GLIS3: variants seen among roughly 807,000 people sequenced by gnomAD.
GLIS3 encodes GLIS family zinc finger 3.
GLIS3 carries 53 observed loss-of-function variants against 78.6 expected under a neutral mutation model. The observed-to-expected ratio is 0.67, with a 90% confidence interval of 0.54 to 0.85. The LOEUF is 0.85. Ranked by LOEUF, GLIS3 falls within the 40% of genes least tolerant of loss-of-function variation. The pLI, the probability that GLIS3 is intolerant of heterozygous loss-of-function variation, is 0.00. For missense variants in GLIS3, 1,703 were observed against 1,231.1 expected (o/e 1.38, Z -5.74); for synonymous variants, 684 against 509.9 (o/e 1.34, Z -4.60).
rs555519391 is a variant in GLIS3, at chr9:4,278,607, G to C, written c.388+7431C>G. Reference sequence around the variant, plus strand: ...GAAGGGAGAGAAACTCCTCTCTCTAGAAGAATACCAGCTAATAAACATAGC... The same window carrying C: ...GAAGGGAGAGAAACTCCTCTCTCTACAAGAATACCAGCTAATAAACATAGC... On this transcript the variant is annotated intron_variant, in intron 2 of 10. Coordinates refer to ENST00000381971, the MANE Select transcript of GLIS3 (RefSeq NM_001042413.2). Among the ~76,000 whole-genome samples the C allele has an allele frequency of 2.6e-5, 4 of 152,290 alleles. No homozygotes were observed. In the South Asian group the frequency reaches 6.2e-4, roughly 24 times the overall value.
At chr9:4,180,712 T>C (rs1817242019) in intron 2 of GLIS3, among the ~76,000 whole-genome samples, 1 of 152,216 alleles carries the variant, frequency 6.6e-6, no homozygotes, top group African/African-American at 2.4e-5. Context: ...TTCTTGTGCA[T>C]TGATTTTATT....
intron 1 of GLIS3, among the ~76,000 whole-genome samples, chr9:4,293,088 T>A (rs1816164511): frequency 6.6e-6 from 1 of 152,130 alleles, no homozygotes; most frequent in African/African-American, 2.4e-5. Context: ...AAGCCCATCC[T>A]CACACAAGAG....
At chr9:4,249,906 T>C (rs937290910) in intron 2 of GLIS3, among the ~76,000 whole-genome samples, 1 of 152,240 alleles carries the variant, frequency 6.6e-6, no homozygotes, top group South Asian at 2.1e-4. Flanking sequence ...GTTCTGTTTA[T>C]GTGATGGATT....
chr9:3,838,360 C>T (rs1818490989), intron 9 of GLIS3, among the ~76,000 whole-genome samples: 1 of 152,172 alleles, frequency 6.6e-6, no homozygotes, highest in Non-Finnish European at 1.5e-5. Context: ...CAGTCCTCAG[C>T]TCTCTGTGGG....
At chr9:4,254,029 C>G (rs373289015) in intron 2 of GLIS3, among the ~76,000 whole-genome samples, 1 of 152,148 alleles carries the variant, frequency 6.6e-6, no homozygotes, top group South Asian at 2.1e-4. Context: ...AGCTGCAGAC[C>G]TGAGTTGTTC....
chr9:4,434,916 C>T, the GLIS3 span, among the ~76,000 whole-genome samples: 4 of 152,144 alleles, frequency 2.6e-5, no homozygotes, highest in Admixed American at 6.6e-5. Context: ...GTGATCCGGG[C>T]CACCAATAAA....
intron 2 of GLIS3, among the ~76,000 whole-genome samples, chr9:4,172,673 A>G (rs180765931): frequency 6.6e-6 from 1 of 152,306 alleles, no homozygotes; most frequent in African/African-American, 2.4e-5. Context: ...CATAGTACAA[A>G]AGGGCTTTGC....
At chr9:3,934,634 C>T (rs936448116) in intron 5 of GLIS3, among the ~76,000 whole-genome samples, 1 of 152,206 alleles carries the variant, frequency 6.6e-6, no homozygotes, top group African/African-American at 2.4e-5. Flanking sequence ...GTCTCGAACT[C>T]CTGATCTCAG....
rs1156755159 is a variant in GLIS3 at position 4,117,922 on chromosome 9, C to T, written c.1556G>A (p.Arg519Gln). The T allele has an allele frequency of 1.2e-6, 2 of 1,614,126 alleles. No individual in the cohort carries two copies. The highest frequency in any genetic ancestry group is 2.2e-5 in the South Asian group (2 of 91,080). ...GTCGATGTGGACCTTCTCGATGTGC[C>T]GCACGAGCTCCTCCTGCTGGTCGTA... ...ALYDQQEELV[R>Q]HIEKVHIDQR... Residue 519 changes from arginine to glutamine, a missense_variant, in exon 4 of 11, where the codon CGG (arginine) becomes CAG (glutamine). Transcript: ENST00000381971.
At chr9:4,008,581 A>C (rs1038669418) in intron 4 of GLIS3, among the ~76,000 whole-genome samples, 9 of 152,104 alleles carry the variant, frequency 5.9e-5, no homozygotes, top group African/African-American at 2.2e-4. Flanking sequence ...GAGGGGCAAA[A>C]GTTGATTTCT....
At chr9:4,172,084 G>C (rs1816421896) in intron 2 of GLIS3, among the ~76,000 whole-genome samples, 1 of 151,858 alleles carries the variant, frequency 6.6e-6, no homozygotes, top group African/African-American at 2.4e-5. Context: ...TATATTTAAG[G>C]CTATATGAGA....
chr9:4,466,445 C>T, the GLIS3 span, among the ~76,000 whole-genome samples: 1 of 152,096 alleles, frequency 6.6e-6, no homozygotes, highest in Non-Finnish European at 1.5e-5. Flanking sequence ...TTTTATGAGG[C>T]CAGTATTACC....
At chr9:4,084,262 C>CACA (rs559495616) in intron 4 of GLIS3, among the ~76,000 whole-genome samples, 1 of 132,406 alleles carries the variant, frequency 7.6e-6, no homozygotes, top group Non-Finnish European at 1.7e-5. Context: ...CTCTAACACA[C>CACA]ACACACACAC....
In GLIS3 at chr9:4,295,224, C is replaced by T. The variant is rs1413618206; in HGVS notation, c.-99+4197G>A. 3.9e-5 allele frequency among the ~76,000 whole-genome samples: 6 copies of T among 152,132 alleles called. No homozygotes were observed. In the South Asian group the frequency reaches 6.2e-4, roughly 16 times the overall value. On this transcript the variant is annotated intron_variant, in intron 1 of 10. Transcript: ENST00000381971. ...GGGGTTGCTGGCCCTCACGAAAGGA[C>T]GGTGAAATACACTCTGGGTTGCCTT...
chr9:3,913,363 C>T (rs573636772), intron 6 of GLIS3, among the ~76,000 whole-genome samples: 30 of 152,312 alleles, frequency 2.0e-4, no homozygotes, highest in African/African-American at 7.0e-4. Context: ...TAGTTTTTCT[C>T]CTCGTTCAAA....
intron 4 of GLIS3, among the ~76,000 whole-genome samples, chr9:4,066,303 C>T (rs1483010346): frequency 6.6e-6 from 1 of 152,170 alleles, no homozygotes; most frequent in Middle Eastern, 3.2e-3. Context: ...ACTAGGGTTT[C>T]CAGAAGCATC....
rs765965374 is a variant in GLIS3 at position 4,118,579 on chromosome 9, T to G, written c.899A>C (p.Lys300Thr). The change falls in exon 4 of 11, where the codon AAG becomes ACG. Residue 300 changes from lysine to threonine, a missense_variant. Transcript: ENST00000381971. The surrounding 1 kb of genome is among the most constrained non-coding windows in gnomAD (Gnocchi z 4.7). ...STRSHSARSK[K>T]RALSLSPLSD... Reference sequence around the variant, plus strand: ...CAGCGGGGACAAGGACAGCGCTCTCTTCTTGGAGCGGGCCGAGTGGGACCT... The same window carrying G: ...CAGCGGGGACAAGGACAGCGCTCTCGTCTTGGAGCGGGCCGAGTGGGACCT... 1.1e-5 allele frequency: 17 copies of G among 1,614,096 alleles called. No individual in the cohort carries two copies. The highest frequency in any genetic ancestry group is 1.4e-5 in the Non-Finnish European group (17 of 1,180,032).
chr9:3,892,716 T>C (rs757643357), intron 7 of GLIS3, among the ~76,000 whole-genome samples: 2 of 152,136 alleles, frequency 1.3e-5, no homozygotes, highest in Non-Finnish European at 2.9e-5. Context: ...CATAACCACC[T>C]ATGTTTTTCT....
chr9:4,252,995 AG>A (rs1413205400), intron 2 of GLIS3, among the ~76,000 whole-genome samples: 1 of 152,156 alleles, frequency 6.6e-6, no homozygotes, highest in Non-Finnish European at 1.5e-5. Context: ...GCTTCATTCC[AG>A]GGGGGCACCT....
Sources: allele counts gnomAD v4.1 joint callset (sites outside exome capture counted in the v4.1 genomes callset), GRCh38; gene constraint gnomAD v4.1.1; non-coding constraint Gnocchi (gnomAD v3.1); transcripts MANE v1.5; gene names NCBI Gene and HGNC (gene_info 2026-07-23, HGNC 2026-07-21).